Variants in HIBCH observed in about 807,000 individuals in gnomAD.
The protein encoded by HIBCH is 3-hydroxyisobutyryl-CoA hydrolase, also known as 3-hydroxyisobutyryl-CoA hydrolase, mitochondrial.
In HIBCH, 50 loss-of-function variants were observed where a neutral mutation model predicts 58.2. That is an observed-to-expected ratio of 0.86 (90% CI 0.68 to 1.09). The LOEUF (loss-of-function observed/expected upper bound fraction) is 1.09. Among genes scored for constraint, HIBCH ranks in the 50% least tolerant of loss-of-function variants. The pLI is 0.00. For missense variants in HIBCH, 450 were observed against 449.7 expected (o/e 1.00, Z -0.01); for synonymous variants, 151 against 146.9 (o/e 1.03, Z -0.20).
downstream of HIBCH, chr2:190,199,851 T>G (rs1287512828): frequency 6.2e-7 from 1 of 1,610,964 alleles, no homozygotes; most frequent in African/African-American, 1.3e-5. Flanking sequence ...CACAAACAGC[T>G]CTTCATAACA....
At chr2:190,256,889 T>G (rs1263206034) in intron 7 of HIBCH, among the ~76,000 whole-genome samples, 2 of 152,086 alleles carry the variant, frequency 1.3e-5, no homozygotes, top group Middle Eastern at 3.2e-3. Flanking sequence ...AAGAGAAGAT[T>G]AATGAATTTA....
chr2:190,271,092 C>T (rs1176794991), intron 6 of HIBCH, among the ~76,000 whole-genome samples: 2 of 151,924 alleles, frequency 1.3e-5, no homozygotes, highest in Non-Finnish European at 2.9e-5. Flanking sequence ...CCCCAGCCCA[C>T]CCCATAGCTA....
intron 2 of HIBCH, among the ~76,000 whole-genome samples, chr2:190,310,234 AG>A (rs1464481323): frequency 6.6e-5 from 10 of 152,232 alleles, no homozygotes; most frequent in Admixed American, 3.9e-4. Flanking sequence ...CTAACTTGTG[AG>A]GTTTTGGGAC....
At chr2:190,251,237 G>A (rs1232553114) in intron 8 of HIBCH, among the ~76,000 whole-genome samples, 1 of 152,008 alleles carries the variant, frequency 6.6e-6, no homozygotes, top group African/African-American at 2.4e-5. Context: ...AGCTTTCCTT[G>A]CCGTATCCTA....
chr2:190,305,959 A>G (rs1422163704), intron 2 of HIBCH, among the ~76,000 whole-genome samples: 1 of 152,180 alleles, frequency 6.6e-6, no homozygotes, highest in Non-Finnish European at 1.5e-5. Flanking sequence ...TTTAGTGTCT[A>G]TCTTTCTCAG....
chr2:190,263,007 A>T (rs1264984532), intron 6 of HIBCH, among the ~76,000 whole-genome samples: 1 of 152,220 alleles, frequency 6.6e-6, no homozygotes, highest in Non-Finnish European at 1.5e-5. Context: ...AATGGGGTAT[A>T]AAACCCTAAT....
chr2:190,239,939 C>T (rs1056356397), intron 11 of HIBCH, among the ~76,000 whole-genome samples: 8 of 152,146 alleles, frequency 5.3e-5, no homozygotes, highest in South Asian at 2.1e-4. Flanking sequence ...CATGAGCCAC[C>T]GCACCTGGCC....
At chr2:190,289,620 A>C (rs1575751840) in intron 5 of HIBCH, among the ~76,000 whole-genome samples, 1 of 152,110 alleles carries the variant, frequency 6.6e-6, no homozygotes, top group Non-Finnish European at 1.5e-5. Context: ...TTAAATCATC[A>C]AGCAAAAACA....
intron 11 of HIBCH, 133 bp from the exon 12 acceptor site, chr2:190,213,208 CT>C: frequency 1.3e-6 from 1 of 759,362 alleles, no homozygotes; most frequent in Non-Finnish European, 2.2e-6. Context: ...TAGCTTAATC[CT>C]GCCAAAGCAC....
At chr2:190,271,282 C>CTTTTTT (rs35074167) in intron 6 of HIBCH, among the ~76,000 whole-genome samples, 9 of 83,782 alleles carry the variant, frequency 1.1e-4, no homozygotes, top group African/African-American at 2.0e-4. Context: ...CTCTACCCTA[C>CTTTTTT]TTTTTTTTTT....
chr2:190,296,996 T>A (rs1187398097), intron 2 of HIBCH, 43 bp from the exon 3 acceptor site: 3 of 1,588,722 alleles, frequency 1.9e-6, no homozygotes, highest in Non-Finnish European at 2.6e-6. Flanking sequence ...TTTCTTAAGT[T>A]TTTATCACAA....
chr2:190,275,219 G>A (rs1207161034), intron 6 of HIBCH, among the ~76,000 whole-genome samples: 1 of 152,178 alleles, frequency 6.6e-6, no homozygotes, highest in African/African-American at 2.4e-5. Context: ...GGAGAGAGAG[G>A]AGGAGAGAAG....
intron 1 of HIBCH, among the ~76,000 whole-genome samples, chr2:190,193,937 CT>C (rs1558999467): frequency 6.6e-6 from 1 of 151,958 alleles, no homozygotes; most frequent in East Asian, 1.9e-4. Flanking sequence ...TATAAATTTC[CT>C]TCTAAGCTCT....
At chr2:190,249,402 A>C (rs963957864) in intron 9 of HIBCH, among the ~76,000 whole-genome samples, 3 of 152,240 alleles carry the variant, frequency 2.0e-5, no homozygotes, top group Admixed American at 6.5e-5. Context: ...AAGGCTATGC[A>C]CTGAAGTTAA....
chr2:190,265,536 C>T (rs1162109484), intron 6 of HIBCH, among the ~76,000 whole-genome samples: 1 of 151,080 alleles, frequency 6.6e-6, no homozygotes, highest in East Asian at 1.9e-4. Context: ...AGCTGTATAC[C>T]AAATATGTTT....
At chr2:190,291,935 A>T (rs1324546977) in intron 4 of HIBCH, among the ~76,000 whole-genome samples, 1 of 152,224 alleles carries the variant, frequency 6.6e-6, no homozygotes, top group Non-Finnish European at 1.5e-5. Flanking sequence ...AGTATTACAT[A>T]CAAAATGTTG....
chr2:190,286,969 A>C (rs576694733), intron 6 of HIBCH, among the ~76,000 whole-genome samples: 1 of 151,180 alleles, frequency 6.6e-6, no homozygotes, highest in East Asian at 1.9e-4. Flanking sequence ...ATAAAAACAC[A>C]ATCAGTTTCC....
rs1001801787 is a variant in HIBCH, at chr2:190,254,843, T to C, written c.518-2536A>G. On this transcript the variant is annotated intron_variant, in intron 7 of 13. Coordinates refer to ENST00000359678, the MANE Select transcript of HIBCH (RefSeq NM_014362.4). The surrounding 1 kb of genome is among the most constrained non-coding windows in gnomAD (Gnocchi z 5.0). The stretch of plus-strand genomic sequence containing the variant: ...TGTCCAACAGAACTTTCTACAATGA[T>C]GAAATCTATAATTTCTGCTGTCCAA... Among the ~76,000 whole-genome samples the C allele has an allele frequency of 6.6e-6, 1 of 152,232 alleles. No individual in the cohort carries two copies. The highest frequency in any genetic ancestry group is 1.5e-5 in the Non-Finnish European group (1 of 68,040).
chr2:190,231,331 G>C (rs11683763), intron 11 of HIBCH, among the ~76,000 whole-genome samples: 47,633 of 151,870 alleles, frequency 0.31, 8,597 homozygotes, highest in African/African-American at 0.48. Context: ...AATCAATACT[G>C]ATAAAAGAGA....
Sources: gnomAD v4.1 joint callset for allele counts (sites outside exome capture counted in the v4.1 genomes callset) on GRCh38, gnomAD v4.1.1 for gene constraint, Gnocchi (gnomAD v3.1) non-coding constraint, MANE v1.5 for transcripts, NCBI Gene and HGNC (gene_info 2026-07-23, HGNC 2026-07-21) for gene names.